SNTG1: variants seen among roughly 807,000 people sequenced by gnomAD.
The protein encoded by SNTG1 is syntrophin gamma 1.
Under a neutral mutation model 74.7 loss-of-function variants are expected in SNTG1, and 39 were observed. The ratio of observed to expected loss-of-function variants is 0.52; its 90% CI spans 0.40 to 0.68. The LOEUF (loss-of-function observed/expected upper bound fraction) is 0.68. Ranked by LOEUF, SNTG1 falls within the 30% of genes least tolerant of loss-of-function variation. SNTG1 has a pLI of 0.00. For synonymous variants in SNTG1, 254 were observed against 217.1 expected, an observed-to-expected ratio of 1.17 and a Z score of -1.49; for missense variants, 685 against 609.5, an observed-to-expected ratio of 1.12 and a Z score of -1.30.
intron 2 of SNTG1, among the ~76,000 whole-genome samples, chr8:50,240,354 C>T (rs1339354078): frequency 6.6e-6 from 1 of 152,208 alleles, no homozygotes; most frequent in African/African-American, 2.4e-5. Flanking sequence ...TTTCTCAATA[C>T]CAGAATTCAT....
At chr8:50,640,016 A>T (rs1273504202) in intron 13 of SNTG1, among the ~76,000 whole-genome samples, 1 of 152,160 alleles carries the variant, frequency 6.6e-6, no homozygotes, top group Non-Finnish European at 1.5e-5. Flanking sequence ...ATTTAAACAC[A>T]TTCTAATTTT....
At chr8:50,409,567 A>G (rs2092921772) in intron 4 of SNTG1, among the ~76,000 whole-genome samples, 1 of 152,178 alleles carries the variant, frequency 6.6e-6, no homozygotes, top group Non-Finnish European at 1.5e-5. Flanking sequence ...GATGTGTTAA[A>G]GCTTCAGTTA....
intron 2 of SNTG1, among the ~76,000 whole-genome samples, chr8:50,245,212 T>C (rs1422474964): frequency 6.6e-6 from 1 of 152,170 alleles, no homozygotes; most frequent in Non-Finnish European, 1.5e-5. Flanking sequence ...AAAATCATGC[T>C]TGGGGCTTCT....
At chr8:50,683,611 T>C (rs1264505549) in intron 15 of SNTG1, among the ~76,000 whole-genome samples, 2 of 152,214 alleles carry the variant, frequency 1.3e-5, no homozygotes, top group African/African-American at 2.4e-5. Flanking sequence ...TAATACAGTA[T>C]ACTAGGGTAT....
At position 50,456,115 on chromosome 8, in the gene SNTG1, A is replaced by G. The variant is rs182944137; in HGVS notation, c.363+5386A>G. ...GCCTTATTTTCATACTTAGCTTTGC[A>G]TTAATACTTTTAGGGATGCCTTTTT... On this transcript the variant is annotated intron_variant, in intron 8 of 18. Coordinates refer to ENST00000642720, the MANE Select transcript of SNTG1 (RefSeq NM_018967.5). 2.0e-3 allele frequency among the ~76,000 whole-genome samples: 298 copies of G among 152,314 alleles called. 6 individuals carry two copies. Among genetic ancestry groups the G allele is most frequent in the African/African-American group, 6.7e-3 (277 of 41,572 alleles).
At chr8:50,051,363 G>A (rs1231565367) in intron 1 of SNTG1, among the ~76,000 whole-genome samples, 3 of 151,734 alleles carry the variant, frequency 2.0e-5, no homozygotes, top group Non-Finnish European at 4.4e-5. Context: ...TTGTACACTA[G>A]CAATATGCAA....
chr8:50,507,310 C>T (rs2094015457), intron 9 of SNTG1, among the ~76,000 whole-genome samples: 2 of 151,896 alleles, frequency 1.3e-5, no homozygotes, highest in Non-Finnish European at 2.9e-5. Context: ...AGTATCTTTG[C>T]TTGGTTTCAG....
At chr8:50,598,618 G>T (rs560634423) in intron 13 of SNTG1, among the ~76,000 whole-genome samples, 24 of 151,952 alleles carry the variant, frequency 1.6e-4, no homozygotes, top group African/African-American at 5.3e-4. Flanking sequence ...TGTGAAAATG[G>T]CATTGTCATT....
chr8:50,190,926 A>G (rs1037368967), intron 2 of SNTG1, among the ~76,000 whole-genome samples: 1 of 152,170 alleles, frequency 6.6e-6, no homozygotes, highest in African/African-American at 2.4e-5. Flanking sequence ...TTGGGCTTAG[A>G]TAGAATGGTG....
chr8:50,767,507 A>G (rs1009463677), intron 18 of SNTG1, among the ~76,000 whole-genome samples: 1 of 152,002 alleles, frequency 6.6e-6, no homozygotes, highest in African/African-American at 2.4e-5. Context: ...AAAGCTTAAT[A>G]AATTTCCCAT....
chr8:50,285,807 A>G (rs924637622), intron 2 of SNTG1, among the ~76,000 whole-genome samples: 1 of 77,150 alleles, frequency 1.3e-5, no homozygotes, highest in Admixed American at 1.6e-4. Flanking sequence ...ATAAAACAAT[A>G]TATTTCCAAA....
intron 1 of SNTG1, among the ~76,000 whole-genome samples, chr8:50,132,022 A>C (rs1433490981): frequency 1.3e-5 from 2 of 152,020 alleles, no homozygotes; most frequent in East Asian, 3.9e-4. Context: ...TTTCTATTTC[A>C]TTCCATCAGT....
chr8:50,762,667 A>G, intron 18 of SNTG1: 1 of 462,462 alleles, frequency 2.2e-6, no homozygotes. Flanking sequence ...AGAATCCAAC[A>G]GCCTGACCTG....
intron 2 of SNTG1, among the ~76,000 whole-genome samples, chr8:50,191,056 A>G (rs1228683898): frequency 1.3e-5 from 2 of 152,146 alleles, no homozygotes; most frequent in Admixed American, 6.5e-5. Context: ...ACATTTTACC[A>G]TTCAGAATTC....
At chr8:50,437,316 T>C (rs1409258174) in intron 4 of SNTG1, among the ~76,000 whole-genome samples, 1 of 152,178 alleles carries the variant, frequency 6.6e-6, no homozygotes, top group African/African-American at 2.4e-5. Flanking sequence ...ATACCTCAAA[T>C]TCTGGTATGG....
rs1239231214 is a variant in SNTG1, at chr8:50,752,084, T to A, written c.1368T>A (p.Asn456Lys). Reference protein sequence around the residue: ...GKSKIKFLFQNPDTKQIEAKE... With the variant: ...GKSKIKFLFQKPDTKQIEAKE... ...GCAAAATCAAATTTTTGTTTCAGAATCCAGATACTAAACAGATTGAAGCAA... is the reference window on the plus strand; with the variant it reads ...GCAAAATCAAATTTTTGTTTCAGAAACCAGATACTAAACAGATTGAAGCAA... Residue 456 changes from asparagine to lysine, a missense_variant, in exon 18 of 19, where the codon AAT becomes AAA. Physicochemically the swap from Asn to Lys is moderately conservative, Grantham distance 94. Transcript: ENST00000642720. The A allele has an allele frequency of 2.2e-5, 34 of 1,567,412 alleles. No homozygotes were observed. Among genetic ancestry groups the A allele is most frequent in the Middle Eastern group, 3.4e-4 (2 of 5,938 alleles).
At position 50,487,846 on chromosome 8, in the gene SNTG1, C is replaced by T. The variant is rs577296177; in HGVS notation, c.364-14932C>T. Among the ~76,000 whole-genome samples the T allele has an allele frequency of 6.6e-5, 10 of 150,946 alleles. No homozygotes were observed. In the South Asian group the frequency reaches 2.1e-3, roughly 31 times the overall value. ...AAACTTAAAGTATAAAAAAAAAGTC[C>T]AGTAAAAAAAAAAAGAAGTCTCTAG... is the stretch of plus-strand genomic sequence containing the variant. On this transcript the variant is annotated intron_variant, in intron 8 of 18. Coordinates refer to ENST00000642720, the MANE Select transcript of SNTG1 (RefSeq NM_018967.5).
intron 2 of SNTG1, among the ~76,000 whole-genome samples, chr8:50,347,534 G>T (rs945936477): frequency 6.6e-6 from 1 of 152,162 alleles, no homozygotes; most frequent in East Asian, 1.9e-4. Flanking sequence ...TTAGACCAAT[G>T]AGTAGTTTTA....
chr8:50,600,148 A>G (rs1023486061), intron 13 of SNTG1, among the ~76,000 whole-genome samples: 10 of 152,138 alleles, frequency 6.6e-5, no homozygotes, highest in Admixed American at 2.6e-4. Context: ...CTCTGTGATA[A>G]ATCCCACTTG....
Sources: gnomAD v4.1 joint callset for allele counts (sites outside exome capture counted in the v4.1 genomes callset) on GRCh38, gnomAD v4.1.1 for gene constraint, MANE v1.5 for transcripts, NCBI Gene and HGNC (gene_info 2026-07-23, HGNC 2026-07-21) for gene names.